Variants in TMEM135 observed in about 807,000 individuals in gnomAD.
TMEM135 encodes the protein transmembrane protein 135.
Under a neutral mutation model 60.3 loss-of-function variants are expected in TMEM135, and 30 were observed. The observed-to-expected ratio is 0.50, with a 90% CI of 0.37 to 0.68. The LOEUF (loss-of-function observed/expected upper bound fraction) is 0.68. Among genes scored for constraint, TMEM135 ranks in the 30% least tolerant of loss-of-function variants. The pLI, the probability that TMEM135 is intolerant of heterozygous loss-of-function variation, is 0.00. For synonymous variants in TMEM135, 190 were observed against 186.7 expected, an observed-to-expected ratio of 1.02 and a Z score of -0.14; for missense variants, 468 against 548.8, an observed-to-expected ratio of 0.85 and a Z score of 1.47.
chr11:87,068,009 A>G (rs1180163419), intron 2 of TMEM135, among the ~76,000 whole-genome samples, 188 bp downstream of exon 2: 1 of 152,148 alleles, frequency 6.6e-6, no homozygotes, highest in African/African-American at 2.4e-5. Context: ...GTCAAGATGT[A>G]ATATAAACTT....
intron 6 of TMEM135, among the ~76,000 whole-genome samples, chr11:87,274,932 T>A (rs1941940871): frequency 6.6e-6 from 1 of 150,966 alleles, no homozygotes; most frequent in African/African-American, 2.4e-5. Context: ...TGAAGAACTC[T>A]TTTTTCCCCC....
At chr11:87,298,283 T>C (rs1942382346) in intron 7 of TMEM135, among the ~76,000 whole-genome samples, 1 of 152,198 alleles carries the variant, frequency 6.6e-6, no homozygotes. Context: ...CAGAGCTTGA[T>C]ACATTTGAGA....
chr11:87,086,337 C>T (rs1160093236), intron 3 of TMEM135, among the ~76,000 whole-genome samples: 2 of 152,150 alleles, frequency 1.3e-5, no homozygotes, highest in African/African-American at 4.8e-5. Context: ...CCTTGCTTAG[C>T]CCCAGGCCTT....
chr11:87,071,472 T>C, intron 2 of TMEM135, 51 bp from the exon 3 acceptor site: 1 of 1,385,266 alleles, frequency 7.2e-7, no homozygotes, highest in East Asian at 2.3e-5. Flanking sequence ...TCATAATAAC[T>C]GAAGTGACCA....
chr11:87,155,278 C>T (rs1000386921), intron 4 of TMEM135, among the ~76,000 whole-genome samples: 1 of 152,208 alleles, frequency 6.6e-6, no homozygotes, highest in Admixed American at 6.5e-5. Flanking sequence ...GGATTACAGG[C>T]GTGAGCCGCC....
intron 5 of TMEM135, among the ~76,000 whole-genome samples, chr11:87,168,565 G>A (rs913834185): frequency 6.6e-6 from 1 of 151,800 alleles, no homozygotes; most frequent in Non-Finnish European, 1.5e-5. Flanking sequence ...ATTATTTACC[G>A]AGTAGTCATA....
intron 6 of TMEM135, among the ~76,000 whole-genome samples, chr11:87,272,783 A>C (rs1941894939): frequency 6.6e-6 from 1 of 152,158 alleles, no homozygotes; most frequent in African/African-American, 2.4e-5. Context: ...AATGATTCTG[A>C]TTGATACTCT....
intron 6 of TMEM135, among the ~76,000 whole-genome samples, chr11:87,240,231 A>G (rs1441061525): frequency 1.3e-5 from 2 of 152,008 alleles, no homozygotes; most frequent in Non-Finnish European, 2.9e-5. Context: ...TATCCTGAGG[A>G]TGTTTTGAAA....
At chr11:87,081,976 TTTTG>T (rs1467185524) in intron 3 of TMEM135, among the ~76,000 whole-genome samples, 1 of 152,216 alleles carries the variant, frequency 6.6e-6, no homozygotes, top group East Asian at 1.9e-4. Context: ...GATTTAGTTC[TTTTG>T]TTTATTAGGT....
chr11:87,112,516 G>T lies in TMEM135; in HGVS notation c.396+21121G>T, dbSNP rs1183208755. On this transcript the variant is annotated intron_variant, in intron 4 of 14. Coordinates refer to ENST00000305494, the MANE Select transcript of TMEM135 (RefSeq NM_022918.4). ...AGTAATTTTCAAAAACAGAAGCGAA[G>T]AACGGTGTCTTTCCTTGCATGATAT... Among the ~76,000 whole-genome samples, 4 of 152,064 alleles carry T rather than the reference G, an allele frequency of 2.6e-5. No homozygotes were observed. In the East Asian group the frequency reaches 7.7e-4, roughly 29 times the overall value.
At chr11:87,079,492 GCTGAATTTATTAGTTTTAAGAGTTTT>G (rs1347278447) in intron 3 of TMEM135, among the ~76,000 whole-genome samples, 1 of 151,990 alleles carries the variant, frequency 6.6e-6, no homozygotes, top group African/African-American at 2.4e-5. Context: ...CTGTGACCTT[GCTGAATTTATTAGTTTTAAGAGTTTT>G]TGGTACATTC....
intron 5 of TMEM135, among the ~76,000 whole-genome samples, chr11:87,204,758 G>A (rs1410649601): frequency 6.6e-6 from 1 of 152,142 alleles, no homozygotes. Flanking sequence ...GGCTGAGGAG[G>A]AGGAAGAGGA....
At chr11:87,056,001 C>G (rs1050476513) in intron 1 of TMEM135, among the ~76,000 whole-genome samples, 1 of 152,072 alleles carries the variant, frequency 6.6e-6, no homozygotes, top group Non-Finnish European at 1.5e-5. Flanking sequence ...GTAGGATGTT[C>G]CTCAAAGTCA....
At chr11:87,123,339 G>T (rs117742209) in intron 4 of TMEM135, among the ~76,000 whole-genome samples, 163 of 152,208 alleles carry the variant, frequency 1.1e-3, no homozygotes, top group South Asian at 1.9e-3. Flanking sequence ...GGAATCCTTG[G>T]TGTTCCTTGG....
chr11:87,116,524 C>T (rs975834132), intron 4 of TMEM135, among the ~76,000 whole-genome samples: 19 of 152,094 alleles, frequency 1.2e-4, no homozygotes, highest in African/African-American at 4.3e-4. Flanking sequence ...TAAATTATGA[C>T]ATTTATTTTA....
Position 87,309,345 on chromosome 11 carries a change from T to A in TMEM135, c.769-160T>A, listed in dbSNP as rs191655683. Among the ~76,000 whole-genome samples, 49 of 152,354 alleles carry A rather than the reference T, an allele frequency of 3.2e-4. No individual in the cohort carries two copies. In the East Asian group the frequency reaches 8.9e-3, roughly 28 times the overall value. The stretch of plus-strand genomic sequence containing the variant: ...ACTCTTATTTTTAAGGTAATTGTTT[T>A]AAAATTATTGTTTGAGGTTTTAAGG... On this transcript the variant is annotated intron_variant, in intron 9 of 14. Transcript: ENST00000305494.
chr11:87,235,063 G>C (rs1334921072), intron 5 of TMEM135, among the ~76,000 whole-genome samples: 1 of 151,908 alleles, frequency 6.6e-6, no homozygotes, highest in East Asian at 1.9e-4. Context: ...TTGAATGATA[G>C]AGAAATTTAA....
intron 1 of TMEM135, among the ~76,000 whole-genome samples, chr11:87,064,695 C>G (rs537336181): frequency 1.3e-5 from 2 of 152,254 alleles, no homozygotes; most frequent in South Asian, 2.1e-4. Flanking sequence ...CCAGCCTGAC[C>G]AACATGGCGA....
rs570658356 is a variant in TMEM135, at chr11:87,152,341, C to A, written c.397-5000C>A. 1.4e-4 allele frequency among the ~76,000 whole-genome samples: 22 copies of A among 152,202 alleles called. 1 individual carries two copies. The highest frequency in any genetic ancestry group is 4.3e-4 in the African/African-American group (18 of 41,516). ...GAGTAACGTTAAGTCTATATGTTCA[C>A]TGTAGTATATTTAATGTAATGGCTT... On this transcript the variant is annotated intron_variant, in intron 4 of 14. Transcript: ENST00000305494.
Sources: gnomAD v4.1 joint callset for allele counts (sites outside exome capture counted in the v4.1 genomes callset) on GRCh38, gnomAD v4.1.1 for gene constraint, MANE v1.5 for transcripts, NCBI Gene and HGNC (gene_info 2026-07-23, HGNC 2026-07-21) for gene names.